Variants in DLG2 observed in about 807,000 individuals in gnomAD.
DLG2 encodes discs large MAGUK scaffold protein 2, also known as disks large homolog 2.
A neutral mutation model predicts 132.5 loss-of-function variants in DLG2; 45 were observed. The ratio of observed to expected loss-of-function variants is 0.34; its 90% confidence interval spans 0.27 to 0.44. The LOEUF (loss-of-function observed/expected upper bound fraction) is 0.44. Ranked by LOEUF, DLG2 falls within the 20% of genes least tolerant of loss-of-function variation. DLG2 has a pLI of 1.00. For synonymous variants in DLG2, 424 were observed against 419.6 expected (o/e 1.01, Z -0.13); for missense variants, 1,045 against 1,196.9 (o/e 0.87, Z 1.87).
At position 85,500,155 on chromosome 11, in the gene DLG2, T is replaced by C. The variant is rs143600981; in HGVS notation, c.40+98502A>G. Among the ~76,000 whole-genome samples, 870 of 152,182 alleles carry C rather than the reference T, an allele frequency of 5.7e-3. 11 individuals carry two copies. Among genetic ancestry groups the C allele is most frequent in the Middle Eastern group, 0.014 (4 of 294 alleles). ...CAAATAGGAAGAGAGGAAGTCAAAT[T>C]GTCTCCCTTTGCAGATGACATGATT... is the stretch of plus-strand genomic sequence containing the variant. On this transcript the variant is annotated intron_variant, in intron 3 of 27. Coordinates refer to ENST00000376104, the MANE Select transcript of DLG2 (RefSeq NM_001142699.3).
At chr11:83,714,355 T>A (rs1299522451) in intron 18 of DLG2, among the ~76,000 whole-genome samples, 1 of 152,106 alleles carries the variant, frequency 6.6e-6, no homozygotes, top group Non-Finnish European at 1.5e-5. Flanking sequence ...TTGAGGGCTA[T>A]CAAGCCTTTT....
At chr11:85,454,554 T>C (rs1022952964) in intron 3 of DLG2, among the ~76,000 whole-genome samples, 1 of 152,190 alleles carries the variant, frequency 6.6e-6, no homozygotes, top group Non-Finnish European at 1.5e-5. Flanking sequence ...AATTTATCAA[T>C]TATTATTTTT....
intron 4 of DLG2, among the ~76,000 whole-genome samples, chr11:85,231,647 G>A (rs765160306): frequency 5.9e-5 from 9 of 151,740 alleles, no homozygotes; most frequent in East Asian, 3.9e-4. Flanking sequence ...TCAGAGTGAC[G>A]AGTTTCATTC....
At chr11:84,031,873 A>G (rs2095704382) in intron 11 of DLG2, among the ~76,000 whole-genome samples, 1 of 152,096 alleles carries the variant, frequency 6.6e-6, no homozygotes, top group African/African-American at 2.4e-5. Context: ...GTCGTGTGTC[A>G]CATTTTTTTT....
intron 3 of DLG2, among the ~76,000 whole-genome samples, chr11:85,402,871 G>A (rs982286983): frequency 1.3e-5 from 2 of 152,144 alleles, no homozygotes; most frequent in Non-Finnish European, 2.9e-5. Context: ...TGGAAAAATA[G>A]GAATGCTTTT....
intron 7 of DLG2, among the ~76,000 whole-genome samples, chr11:84,440,050 A>T (rs1180655183): frequency 1.3e-5 from 2 of 152,150 alleles, no homozygotes; most frequent in African/African-American, 4.8e-5. Context: ...GCTTGGAGAG[A>T]TCTTTGATGT....
intron 18 of DLG2, among the ~76,000 whole-genome samples, chr11:83,720,639 A>G (rs1235064803): frequency 1.3e-5 from 2 of 152,138 alleles, no homozygotes; most frequent in East Asian, 1.9e-4. Flanking sequence ...AAATACTTAC[A>G]TATCTCCAGA....
At chr11:84,740,301 G>A (rs2064426478) in intron 6 of DLG2, among the ~76,000 whole-genome samples, 1 of 151,918 alleles carries the variant, frequency 6.6e-6, no homozygotes, top group East Asian at 1.9e-4. Flanking sequence ...GCAAGAGGGA[G>A]GTCCTCCTGA....
chr11:84,216,894 G>A (rs1196038754), intron 8 of DLG2, among the ~76,000 whole-genome samples: 2 of 152,136 alleles, frequency 1.3e-5, no homozygotes, highest in Admixed American at 1.3e-4. Flanking sequence ...TTTACCAGCT[G>A]GCATTATGGA....
Position 84,305,047 on chromosome 11 carries a change from T to TA in DLG2, c.520-53757dup, listed in dbSNP as rs916128099. Among the ~76,000 whole-genome samples, 31 of 150,936 alleles carry TA rather than the reference T, an allele frequency of 2.1e-4. No homozygotes were observed. The East Asian group carries it at 5.6e-3, about 27-fold the overall frequency. On this transcript the variant is annotated intron_variant, in intron 7 of 27. Coordinates refer to ENST00000376104, the MANE Select transcript of DLG2 (RefSeq NM_001142699.3). The stretch of plus-strand genomic sequence containing the variant: ...GCCTTTACCAAAGTAAAAGAAGAAA[T>TA]AAAAAAAAAGTAGTTTATATTAAAA...
At chr11:85,318,544 T>A (rs2080843800) in intron 3 of DLG2, among the ~76,000 whole-genome samples, 1 of 151,866 alleles carries the variant, frequency 6.6e-6, no homozygotes, top group Admixed American at 6.6e-5. Context: ...ATCTTTGAGC[T>A]GATAAAATGC....
In DLG2 at chr11:84,139,516, T is replaced by C. The variant is rs147883064; in HGVS notation, c.624+23945A>G. ...CTAGTAGTAATAATAATAATTACTA[T>C]TAACAAATTATTATATAATACTTAT... On this transcript the variant is annotated intron_variant, in intron 9 of 27. Transcript: ENST00000376104. Among the ~76,000 whole-genome samples the C allele has an allele frequency of 3.5e-4, 54 of 152,230 alleles. 2 individuals are homozygous for C. The South Asian group carries it at 4.8e-3, about 13-fold the overall frequency.
At chr11:85,374,664 A>C (rs565647508) in intron 3 of DLG2, among the ~76,000 whole-genome samples, 1 of 152,290 alleles carries the variant, frequency 6.6e-6, no homozygotes, top group African/African-American at 2.4e-5. Context: ...TTTTTAAAAT[A>C]AACTTTACTA....
intron 6 of DLG2, among the ~76,000 whole-genome samples, chr11:84,585,583 A>T (rs981776897): frequency 2.0e-5 from 3 of 152,238 alleles, no homozygotes; most frequent in Non-Finnish European, 4.4e-5. Flanking sequence ...TTGAATCTAC[A>T]GATCAATTTG....
Position 83,833,689 on chromosome 11 carries a change from A to G in DLG2, c.1647T>C (p.Ile549=). Residue 549 remains isoleucine, a synonymous_variant, in exon 17 of 28, where the codon ATT becomes ATC. Transcript: ENST00000376104. ...NIVGGEDGEG[I]FVSFILAGGP... ...CACCAGCCAGAATGAAGGACACAAA[A>G]ATACCTTCTCCATCTTCCCCACCGA... 1 of 1,613,962 alleles carries G rather than the reference A, an allele frequency of 6.2e-7. No homozygotes were observed. Among genetic ancestry groups the G allele is most frequent in the Non-Finnish European group, 8.5e-7 (1 of 1,179,938 alleles).
chr11:85,297,087 G>A (rs976900816), intron 3 of DLG2, among the ~76,000 whole-genome samples: 2 of 151,720 alleles, frequency 1.3e-5, no homozygotes, highest in East Asian at 1.9e-4. Context: ...AAATAAAATT[G>A]TAGAAAAATA....
chr11:84,950,275 G>A (rs1407889127), intron 6 of DLG2, among the ~76,000 whole-genome samples: 3 of 152,018 alleles, frequency 2.0e-5, no homozygotes, highest in African/African-American at 7.2e-5. Flanking sequence ...TCCTAATTAT[G>A]AGAAGATTAA....
chr11:85,598,281 TTA>T, intron 3 of DLG2, among the ~76,000 whole-genome samples: 1 of 152,212 alleles, frequency 6.6e-6, no homozygotes, highest in African/African-American at 2.4e-5. Context: ...ACCATCATTT[TTA>T]TGTTACACAA....
intron 4 of DLG2, among the ~76,000 whole-genome samples, chr11:85,228,775 A>C (rs2075123925): frequency 6.6e-6 from 1 of 151,816 alleles, no homozygotes; most frequent in South Asian, 2.1e-4. Context: ...ATTTTAGCCA[A>C]TATGACAGTC....
Sources: gnomAD v4.1 joint callset for allele counts (sites outside exome capture counted in the v4.1 genomes callset) on GRCh38, gnomAD v4.1.1 for gene constraint, MANE v1.5 for transcripts, NCBI Gene and HGNC (gene_info 2026-07-23, HGNC 2026-07-21) for gene names.